Variants in FBXO17 observed in about 807,000 individuals in gnomAD.
FBXO17 encodes F-box only protein 17.
In FBXO17, 43 loss-of-function variants were observed where a neutral mutation model predicts 34.1. The ratio of observed to expected loss-of-function variants is 1.26; its 90% CI spans 0.99 to 1.62. FBXO17 has a LOEUF of 1.62. Among genes scored for constraint, FBXO17 ranks in the 40% most tolerant of loss-of-function variants. The pLI, the probability that FBXO17 is intolerant of heterozygous loss-of-function variation, is 0.00. For missense variants in FBXO17, 424 were observed against 386.7 expected (o/e 1.10, Z -0.81); for synonymous variants, 169 against 166.0 (o/e 1.02, Z -0.14).
chr19:38,945,338 G>T, intron 4 of FBXO17: 1 of 585,382 alleles, frequency 1.7e-6, no homozygotes, highest in South Asian at 2.0e-5. Flanking sequence ...GCCTGGGGGA[G>T]GAGCCTGGGT....
intron 1 of FBXO17, among the ~76,000 whole-genome samples, chr19:38,962,619 G>A (rs1225094477): frequency 6.6e-6 from 1 of 152,144 alleles, no homozygotes; most frequent in Admixed American, 6.6e-5. Flanking sequence ...AGCAAGGTCG[G>A]GGTCTCAGCC....
intron 5 of FBXO17, chr19:38,944,762 TG>T (rs1458498144): frequency 1.5e-6 from 1 of 676,536 alleles, no homozygotes; most frequent in African/African-American, 1.8e-5. Context: ...AATCAGTGTT[TG>T]TTGAACATTA....
intron 5 of FBXO17, 97 bp from the exon 6 acceptor site, chr19:38,942,848 C>T: frequency 2.9e-6 from 4 of 1,356,796 alleles, no homozygotes; most frequent in Middle Eastern, 2.2e-4. Context: ...AGGTGCCAGT[C>T]CTGCGCTAGT....
intron 1 of FBXO17, among the ~76,000 whole-genome samples, chr19:38,967,437 T>C (rs1249470952): frequency 6.6e-6 from 1 of 151,756 alleles, no homozygotes; most frequent in Non-Finnish European, 1.5e-5. Context: ...TGAAACTCCA[T>C]CTCAAAAAAA....
chr19:38,950,009 G>A lies in FBXO17; in HGVS notation c.311C>T (p.Pro104Leu). The A allele has an allele frequency of 6.4e-7, 1 of 1,557,120 alleles. No individual in the cohort carries two copies. The highest frequency in any genetic ancestry group is 8.7e-7 in the Non-Finnish European group (1 of 1,152,482). The change falls in exon 2 of 6, where the codon CCC becomes CTC. Residue 104 changes from proline (P) to leucine (L), a missense_variant. By Grantham distance (98) the Pro-to-Leu change is moderately conservative. Transcript: ENST00000292852. ...GTTGAAGATGAGATTGCGGCCGAAGGGCGCGCGCAGACAGTAGCGCGCCAG... is the reference window on the plus strand; with the variant it reads ...GTTGAAGATGAGATTGCGGCCGAAGAGCGCGCGCAGACAGTAGCGCGCCAG... ...CALARYCLRAPFGRNLIFNSC... is the reference protein window; with the variant it reads ...CALARYCLRALFGRNLIFNSC...
At chr19:38,953,029 C>T (rs764092365) in intron 1 of FBXO17, among the ~76,000 whole-genome samples, 2 of 152,128 alleles carry the variant, frequency 1.3e-5, no homozygotes, top group African/African-American at 2.4e-5. Context: ...TGACCTGGCA[C>T]GCTGGCTCAT....
At chr19:38,972,262 G>A (rs1366984490) in intron 1 of FBXO17, among the ~76,000 whole-genome samples, 1 of 152,004 alleles carries the variant, frequency 6.6e-6, no homozygotes, top group Non-Finnish European at 1.5e-5. Context: ...AAACTAGGCC[G>A]GGAGCAGTGG....
In FBXO17 at chr19:38,942,054, T is replaced by G. The variant is rs1210869280; in HGVS notation, c.*554A>C. The G allele has an allele frequency of 6.6e-6, 1 of 151,492 alleles. No homozygotes were observed. The highest frequency in any genetic ancestry group is 1.5e-5 in the Non-Finnish European group (1 of 67,956). The allele number at this position is 151,492 out of a possible 1,614,324, so 9.4% of individuals were successfully genotyped here. A position where few individuals can be genotyped will look rare whatever the true frequency, so the allele number is the denominator to read the frequency against. On this transcript the variant is annotated 3_prime_UTR_variant, in exon 6 of 6. Coordinates refer to ENST00000292852, the MANE Select transcript of FBXO17 (RefSeq NM_024907.7). ...CGAGATCCTTGCAGGAGAAGAAAAT[T>G]TGCAGGCAAATGAACTAAATGTCTC...
intron 1 of FBXO17, among the ~76,000 whole-genome samples, chr19:38,962,269 T>C (rs1207046442): frequency 6.6e-6 from 1 of 152,004 alleles, no homozygotes; most frequent in Non-Finnish European, 1.5e-5. Flanking sequence ...ACTGACATGA[T>C]GCTAAGTTTT....
At chr19:38,973,395 A>G (rs906581840) in intron 1 of FBXO17, among the ~76,000 whole-genome samples, 1 of 152,046 alleles carries the variant, frequency 6.6e-6, no homozygotes, top group Non-Finnish European at 1.5e-5. Flanking sequence ...TCTGCCATCA[A>G]TACCCACTCC....
At chr19:38,946,649 C>A (rs1974988684) in intron 3 of FBXO17, 82 bp from the exon 4 acceptor site, 1 of 1,565,000 alleles carries the variant, frequency 6.4e-7, no homozygotes, top group Non-Finnish European at 8.7e-7. Flanking sequence ...TCCAAGAAGT[C>A]TCCCTTGATA....
intron 3 of FBXO17, among the ~76,000 whole-genome samples, chr19:38,948,241 G>T (rs1321269814): frequency 1.3e-5 from 2 of 152,072 alleles, no homozygotes; most frequent in Non-Finnish European, 2.9e-5. Context: ...CTCTCAAAGT[G>T]CTGGGATTAC....
In FBXO17 at chr19:38,942,542, G is replaced by T. The variant is rs1359391628; in HGVS notation, c.*66C>A. Reference sequence around the variant, plus strand: ...CTCCTGAAGTGCTGGGATTCCACAGGTGTGAGCCACTGCACCTGGCTGCAA... The same window carrying T: ...CTCCTGAAGTGCTGGGATTCCACAGTTGTGAGCCACTGCACCTGGCTGCAA... On this transcript the variant is annotated 3_prime_UTR_variant, in exon 6 of 6. Transcript: ENST00000292852. 3 of 1,454,970 alleles carry T rather than the reference G, an allele frequency of 2.1e-6. No individual in the cohort carries two copies. The highest frequency in any genetic ancestry group is 1.5e-5 in the South Asian group (1 of 64,936). 90.1% of individuals were successfully genotyped at this position (1,454,970 alleles called of 1,614,324 possible).
intron 1 of FBXO17, among the ~76,000 whole-genome samples, chr19:38,972,548 GAAAA>G (rs71167607): frequency 7.2e-6 from 1 of 138,076 alleles, no homozygotes. Context: ...CCATCTCAAA[GAAAA>G]AAAAAAAAAA....
intron 2 of FBXO17, chr19:38,949,682 C>T: frequency 1.9e-6 from 1 of 539,886 alleles, no homozygotes; most frequent in South Asian, 2.7e-5. Context: ...CCGCGCCTGG[C>T]CCCTGTCCTG....
chr19:38,959,254 T>C (rs1220545031), intron 1 of FBXO17, among the ~76,000 whole-genome samples: 2 of 146,574 alleles, frequency 1.4e-5, no homozygotes, highest in African/African-American at 5.1e-5. Context: ...GTATGCAGCC[T>C]CTGCCTGTCT....
intron 1 of FBXO17, among the ~76,000 whole-genome samples, chr19:38,961,016 C>G (rs918260984): frequency 6.6e-6 from 1 of 151,990 alleles, no homozygotes; most frequent in African/African-American, 2.4e-5. Flanking sequence ...CTGTGTTGGC[C>G]AGTCTGGTCT....
chr19:38,959,819 C>A (rs966081632), intron 1 of FBXO17, among the ~76,000 whole-genome samples: 5 of 152,008 alleles, frequency 3.3e-5, no homozygotes, highest in African/African-American at 1.2e-4. Flanking sequence ...TTGCTTGTGG[C>A]CAGGAGTTCA....
Position 38,948,547 on chromosome 19 carries a change from C to T in FBXO17, c.461+20G>A. On this transcript the variant is annotated intron_variant, in intron 3 of 5. Coordinates refer to ENST00000292852, the MANE Select transcript of FBXO17 (RefSeq NM_024907.7). ...GGGCCTTTGCCCCAGGGATCGGGGC[C>T]TCTCACTTGGGCCACTCACTCGAAA... 3 of 1,604,254 alleles carry T rather than the reference C, an allele frequency of 1.9e-6. No homozygotes were observed. Among genetic ancestry groups the T allele is most frequent in the Non-Finnish European group, 2.6e-6 (3 of 1,173,042 alleles).
Sources: gnomAD v4.1 joint callset for allele counts (sites outside exome capture counted in the v4.1 genomes callset) on GRCh38, gnomAD v4.1.1 for gene constraint, MANE v1.5 for transcripts, NCBI Gene and HGNC (gene_info 2026-07-23, HGNC 2026-07-21) for gene names.